The following DAD1 variants were observed in gnomAD, a reference collection of about 807,000 sequenced individuals.
The protein encoded by DAD1 is dolichyl-diphosphooligosaccharide--protein glycosyltransferase subunit DAD1.
A neutral mutation model predicts 9.0 loss-of-function variants in DAD1; 4 were observed. The observed-to-expected ratio is 0.44, with a 90% CI of 0.22 to 1.01. DAD1 has a LOEUF of 1.01. DAD1 is among the 50% of genes least tolerant of loss of function. The pLI is 0.24. For synonymous variants in DAD1, 60 were observed against 62.5 expected (o/e 0.96, Z 0.19); for missense variants, 119 against 137.3 (o/e 0.87, Z 0.67).
In DAD1 at chr14:22,575,183, T is replaced by G; in HGVS notation, c.262A>C (p.Ile88Leu). 1 of 1,614,180 alleles carries G rather than the reference T, an allele frequency of 6.2e-7. No individual in the cohort carries two copies. Residue 88 changes from isoleucine (I) to leucine (L), a missense_variant, in exon 2 of 3, where the codon ATC (isoleucine) becomes CTC (leucine). By Grantham distance (5) the Ile-to-Leu change is conservative. Transcript: ENST00000250498. ...NPQNKADFQG[I>L]SPERAFADFL... ...TCAGCAAAGGCTCGCTCTGGGGAGA[T>G]GCCTTGGAAATCCGCTTTGTTCTGT...
At chr14:22,588,826 A>AG in intron 1 of DAD1, 121 bp downstream of exon 1, 1 of 972,000 alleles carries the variant, frequency 1.0e-6, no homozygotes, top group Non-Finnish European at 1.5e-6. Flanking sequence ...TCACAACAAA[A>AG]GGGCAATGCA....
intron 1 of DAD1, among the ~76,000 whole-genome samples, chr14:22,584,673 C>G (rs1328564890): frequency 6.6e-6 from 1 of 152,062 alleles, no homozygotes; most frequent in African/African-American, 2.4e-5. Flanking sequence ...CAGAGAATGA[C>G]AAGTAGCTCA....
intron 2 of DAD1, among the ~76,000 whole-genome samples, chr14:22,568,951 G>C (rs1195985661): frequency 6.6e-6 from 1 of 151,944 alleles, no homozygotes; most frequent in Non-Finnish European, 1.5e-5. Context: ...CTCCCACCTT[G>C]GCCTCCCCAA....
At chr14:22,574,302 A>G (rs888782168) in intron 2 of DAD1, among the ~76,000 whole-genome samples, 11 of 152,142 alleles carry the variant, frequency 7.2e-5, no homozygotes, top group Non-Finnish European at 1.6e-4. Flanking sequence ...AAACAGCCAT[A>G]TATTTATTAA....
intron 2 of DAD1, among the ~76,000 whole-genome samples, chr14:22,570,723 C>G (rs2037033015): frequency 6.6e-6 from 1 of 152,194 alleles, no homozygotes; most frequent in Non-Finnish European, 1.5e-5. Flanking sequence ...AACCCTGTAG[C>G]CCCCTTGTTC....
chr14:22,588,706 A>C (rs1454294190), intron 1 of DAD1, among the ~76,000 whole-genome samples: 1 of 152,240 alleles, frequency 6.6e-6, no homozygotes, highest in African/African-American at 2.4e-5. Context: ...TGGATCACCA[A>C]GTGGAGTAGC....
chr14:22,571,313 C>CA (rs71115558), intron 2 of DAD1, among the ~76,000 whole-genome samples: 48,312 of 115,162 alleles, frequency 0.42, 9,690 homozygotes, highest in Middle Eastern at 0.47. Context: ...GACTCTGTCT[C>CA]AAAAAAAAAA....
chr14:22,576,572 T>C (rs903560561), intron 1 of DAD1, among the ~76,000 whole-genome samples: 10 of 152,222 alleles, frequency 6.6e-5, no homozygotes, highest in Non-Finnish European at 1.3e-4. Flanking sequence ...AATGATTTAT[T>C]GGATATGACA....
At chr14:22,588,084 A>G (rs2037166503) in intron 1 of DAD1, among the ~76,000 whole-genome samples, 1 of 152,210 alleles carries the variant, frequency 6.6e-6, no homozygotes, top group Non-Finnish European at 1.5e-5. Flanking sequence ...ACTAGACCAT[A>G]AACTCTTTAC....
chr14:22,565,093 G>A lies in DAD1; in HGVS notation c.*89C>T, dbSNP rs1260621013. On this transcript the variant is annotated 3_prime_UTR_variant, in exon 3 of 3. Transcript: ENST00000250498. ...TGAAGAAAATCCATGTGTCCAATAA[G>A]CTGCCATCTCCAGAACTCTTATCCA... 6 of 702,072 alleles carry A rather than the reference G, an allele frequency of 8.5e-6. No individual in the cohort carries two copies. The South Asian group carries it at 8.9e-5, about 10-fold the overall frequency. 43.5% of individuals were successfully genotyped at this position (702,072 alleles called of 1,614,324 possible).
chr14:22,566,847 T>C (rs146754950), intron 2 of DAD1, among the ~76,000 whole-genome samples: 2 of 152,366 alleles, frequency 1.3e-5, no homozygotes, highest in East Asian at 1.9e-4. Flanking sequence ...TCTTTGATAG[T>C]GGTTTTCAGA....
chr14:22,581,099 A>G (rs1184304915), intron 1 of DAD1, among the ~76,000 whole-genome samples: 1 of 152,224 alleles, frequency 6.6e-6, no homozygotes, highest in Non-Finnish European at 1.5e-5. Flanking sequence ...ATTCCATAAA[A>G]TATTTACTAA....
intron 1 of DAD1, among the ~76,000 whole-genome samples, chr14:22,583,433 T>G (rs952017698): frequency 1.3e-5 from 2 of 151,464 alleles, no homozygotes; most frequent in Non-Finnish European, 2.9e-5. Flanking sequence ...CGTTGCAACA[T>G]GGCAAGAGTA....
At chr14:22,578,025 A>C (rs546055758) in intron 1 of DAD1, among the ~76,000 whole-genome samples, 1 of 146,146 alleles carries the variant, frequency 6.8e-6, no homozygotes, top group African/African-American at 2.5e-5. Flanking sequence ...AGGCCGAGGC[A>C]GGCGGATCAC....
At chr14:22,584,924 C>G (rs2037142440) in intron 1 of DAD1, among the ~76,000 whole-genome samples, 1 of 152,226 alleles carries the variant, frequency 6.6e-6, no homozygotes. Context: ...TTACAGTAGT[C>G]TTCATAAGAG....
At chr14:22,568,129 TC>T (rs2037013342) in intron 2 of DAD1, among the ~76,000 whole-genome samples, 1 of 152,210 alleles carries the variant, frequency 6.6e-6, no homozygotes, top group Non-Finnish European at 1.5e-5. Context: ...TCCCCCTCAG[TC>T]ACTTATTAGT....
At chr14:22,573,718 AAAAAAAAAAAC>A (rs1428965500) in intron 2 of DAD1, among the ~76,000 whole-genome samples, 1 of 141,060 alleles carries the variant, frequency 7.1e-6, no homozygotes, top group Non-Finnish European at 1.5e-5. Context: ...TCAAAAAAAA[AAAAAAAAAAAC>A]AGAAAAGAAA....
chr14:22,577,208 C>T (rs866729683), intron 1 of DAD1, among the ~76,000 whole-genome samples: 11 of 152,220 alleles, frequency 7.2e-5, no homozygotes, highest in South Asian at 2.1e-4. Flanking sequence ...CTGAACCAGG[C>T]GGATCACCCG....
rs567686637 is a variant in DAD1, at chr14:22,584,843, A to C, written c.211+4104T>G. 4.6e-5 allele frequency among the ~76,000 whole-genome samples: 7 copies of C among 152,412 alleles called. No individual in the cohort carries two copies. In the East Asian group the frequency reaches 1.3e-3, roughly 29 times the overall value. On this transcript the variant is annotated intron_variant, in intron 1 of 2. Transcript: ENST00000250498. ...TGGGAGTGACACAATCAGATTTGCAAGTCAAATCAAGCCTGCAAACACAAT... is the reference window on the plus strand; with the variant it reads ...TGGGAGTGACACAATCAGATTTGCACGTCAAATCAAGCCTGCAAACACAAT...
Sources: gnomAD v4.1 joint callset for allele counts (sites outside exome capture counted in the v4.1 genomes callset) on GRCh38, gnomAD v4.1.1 for gene constraint, MANE v1.5 for transcripts, NCBI Gene and HGNC (gene_info 2026-07-23, HGNC 2026-07-21) for gene names.